PRORP: variants seen among roughly 807,000 people sequenced by gnomAD.
The protein encoded by PRORP is protein only RNase P catalytic subunit.
In PRORP, 51 loss-of-function variants were observed where a neutral mutation model predicts 59.4. The ratio of observed to expected loss-of-function variants is 0.86; its 90% CI spans 0.69 to 1.08. PRORP has a LOEUF of 1.08. PRORP is among the 50% of genes least tolerant of loss of function. The probability of loss-of-function intolerance (pLI) is 0.00; values close to 1 mark genes in which losing one functional copy is unlikely to be tolerated. For missense variants in PRORP, 646 were observed against 690.3 expected (o/e 0.94, Z 0.72); for synonymous variants, 231 against 245.6 (o/e 0.94, Z 0.55).
intron 5 of PRORP, among the ~76,000 whole-genome samples, chr14:35,238,238 G>T (rs2050270228): frequency 6.6e-6 from 1 of 152,140 alleles, no homozygotes; most frequent in South Asian, 2.1e-4. Context: ...ATGCCAATCT[G>T]ACACCAAAGT....
chr14:35,184,592 G>T (rs1217402705), intron 5 of PRORP, among the ~76,000 whole-genome samples: 3 of 152,096 alleles, frequency 2.0e-5, no homozygotes, highest in Admixed American at 6.6e-5. Flanking sequence ...TGTCAAGGGG[G>T]TTTGTTATAC....
intron 4 of PRORP, among the ~76,000 whole-genome samples, chr14:35,148,223 A>G (rs912954924): frequency 6.6e-6 from 1 of 152,248 alleles, no homozygotes. Context: ...ATCACTGTCT[A>G]TGACAGCTAT....
chr14:35,222,496 G>A (rs2049813671), intron 5 of PRORP: 1 of 152,180 alleles, frequency 6.6e-6, no homozygotes, highest in South Asian at 2.1e-4. Flanking sequence ...CACTACCGGT[G>A]CCAGCCCTGC....
At chr14:35,157,406 A>G (rs1464506704) in intron 4 of PRORP, among the ~76,000 whole-genome samples, 2 of 152,250 alleles carry the variant, frequency 1.3e-5, no homozygotes, top group South Asian at 2.1e-4. Flanking sequence ...TCAGATGACT[A>G]TTAGTAAACA....
At chr14:35,152,695 G>A (rs2047798028) in intron 4 of PRORP, among the ~76,000 whole-genome samples, 1 of 151,742 alleles carries the variant, frequency 6.6e-6, no homozygotes, top group Middle Eastern at 3.5e-3. Context: ...CCGGGCGGAG[G>A]GGCTCCTCAC....
At chr14:35,150,736 C>G (rs2047723699) in intron 4 of PRORP, among the ~76,000 whole-genome samples, 1 of 152,026 alleles carries the variant, frequency 6.6e-6, no homozygotes, top group Admixed American at 6.6e-5. Flanking sequence ...TTATGTGTGG[C>G]TATGGGTGTT....
At chr14:35,183,219 C>T (rs569447791) in intron 5 of PRORP, among the ~76,000 whole-genome samples, 187 of 122,626 alleles carry the variant, frequency 1.5e-3, no homozygotes, top group African/African-American at 5.0e-3. Flanking sequence ...CACATACATA[C>T]ATACACACAC....
At chr14:35,241,602 A>G (rs2050371341) in intron 5 of PRORP, among the ~76,000 whole-genome samples, 1 of 152,172 alleles carries the variant, frequency 6.6e-6, no homozygotes, top group African/African-American at 2.4e-5. Context: ...TCTTTCTGAA[A>G]TGGAAATCTG....
At chr14:35,188,168 T>A (rs1006606006) in intron 5 of PRORP, among the ~76,000 whole-genome samples, 1 of 150,340 alleles carries the variant, frequency 6.7e-6, no homozygotes, top group African/African-American at 2.4e-5. Flanking sequence ...TTAATTGTTT[T>A]TTATTATTAT....
At position 35,270,606 on chromosome 14, in the gene PRORP, C is replaced by A. The variant is rs750230518; in HGVS notation, c.1620+10C>A. 1.1e-5 allele frequency: 18 copies of A among 1,609,970 alleles called. No homozygotes were observed. In the South Asian group the frequency reaches 1.6e-4, roughly 15 times the overall value. The stretch of plus-strand genomic sequence containing the variant: ...AAAACTAACCTTTCAGGTAATGGTA[C>A]CTGTTCTTTATGTAATATTAACAGA... On this transcript the variant is annotated intron_variant, in intron 7 of 7. Transcript: ENST00000534898.
chr14:35,230,050 C>CTT lies in PRORP; in HGVS notation c.1276-36658_1276-36657dup, dbSNP rs35309046. ...CAGCCAGATGTCATTACTGTAAATT[C>CTT]TTTTTTTTTTTTTTTTTTTTGAGAC... On this transcript the variant is annotated intron_variant, in intron 5 of 7. Transcript: ENST00000534898. Among the ~76,000 whole-genome samples the CTT allele has an allele frequency of 9.9e-3, 1,083 of 109,110 alleles. 40 individuals are homozygous for CTT. Among genetic ancestry groups the CTT allele is most frequent in the African/African-American group, 0.033 (976 of 29,892 alleles). 71.6% of individuals were successfully genotyped at this position (109,110 alleles called of 152,430 possible). A position where few individuals can be genotyped will look rare whatever the true frequency, so the allele number is the denominator to read the frequency against.
At chr14:35,228,261 A>C (rs1408864649) in intron 5 of PRORP, among the ~76,000 whole-genome samples, 2 of 152,254 alleles carry the variant, frequency 1.3e-5, no homozygotes, top group Non-Finnish European at 2.9e-5. Context: ...GAAAAAAGAA[A>C]ACATAACATG....
At chr14:35,124,416 T>G (rs2047041911) in intron 2 of PRORP, 185 bp downstream of exon 2, 1 of 378,182 alleles carries the variant, frequency 2.6e-6, no homozygotes, top group Non-Finnish European at 4.7e-6. Context: ...CACAGGCATG[T>G]GCCACCATAC....
At chr14:35,256,326 CTTTTTTT>C (rs1178856754) in intron 5 of PRORP, among the ~76,000 whole-genome samples, 2 of 82,814 alleles carry the variant, frequency 2.4e-5, no homozygotes, top group African/African-American at 5.5e-5. Context: ...TTGTGCGTAT[CTTTTTTT>C]TTTTTTTTTT....
intron 5 of PRORP, among the ~76,000 whole-genome samples, chr14:35,236,696 T>G (rs1476069034): frequency 6.6e-6 from 1 of 152,212 alleles, no homozygotes; most frequent in Non-Finnish European, 1.5e-5. Flanking sequence ...TTCTCTCTTG[T>G]TTTTGAACTT....
At chr14:35,211,510 A>G (rs996744287) in intron 5 of PRORP, among the ~76,000 whole-genome samples, 2 of 152,208 alleles carry the variant, frequency 1.3e-5, no homozygotes, top group Non-Finnish European at 2.9e-5. Flanking sequence ...ATATACGTAT[A>G]CTGCAGAGAT....
At chr14:35,213,775 C>A (rs989886261) in intron 5 of PRORP, among the ~76,000 whole-genome samples, 2 of 152,082 alleles carry the variant, frequency 1.3e-5, no homozygotes, top group Non-Finnish European at 2.9e-5. Context: ...TGGTTCATGG[C>A]ACCCCAAAAC....
chr14:35,121,886 C>G, upstream of PRORP: 1 of 1,614,086 alleles, frequency 6.2e-7, no homozygotes, highest in Non-Finnish European at 8.5e-7. Context: ...AACGGGCTGC[C>G]CCTCCCAAAA....
chr14:35,235,823 T>C (rs931294399), intron 5 of PRORP, among the ~76,000 whole-genome samples: 12 of 152,150 alleles, frequency 7.9e-5, no homozygotes, highest in Middle Eastern at 3.4e-3. Flanking sequence ...CCCAGCATTT[T>C]GGGAGGCCGA....
Sources: allele counts gnomAD v4.1 joint callset (sites outside exome capture counted in the v4.1 genomes callset), GRCh38; gene constraint gnomAD v4.1.1; transcripts MANE v1.5; gene names NCBI Gene and HGNC (gene_info 2026-07-23, HGNC 2026-07-21).